The following CRYBG3 variants were observed in gnomAD, a reference collection of about 807,000 sequenced individuals.
CRYBG3 encodes very large A-kinase anchor protein.
In CRYBG3, 127 loss-of-function variants were observed where a neutral mutation model predicts 244.2. That is an observed-to-expected ratio of 0.52 (90% CI 0.45 to 0.60). The LOEUF (loss-of-function observed/expected upper bound fraction) is 0.60, where lower values mean the gene tolerates loss of function less well. Ranked by LOEUF, CRYBG3 falls within the 20% of genes least tolerant of loss-of-function variation. CRYBG3 has a pLI of 0.00. For synonymous variants in CRYBG3, 1,132 were observed against 1,195.8 expected (o/e 0.95, Z 1.10); for missense variants, 3,325 against 3,442.5 (o/e 0.97, Z 0.85).
At chr3:97,827,689 T>A (rs2038596462) in intron 1 of CRYBG3, among the ~76,000 whole-genome samples, 1 of 152,206 alleles carries the variant, frequency 6.6e-6, no homozygotes, top group Non-Finnish European at 1.5e-5. Context: ...CTTGGAACTT[T>A]AAAAATATCA....
At chr3:97,891,519 C>T (rs543798494) in intron 10 of CRYBG3, among the ~76,000 whole-genome samples, 9 of 152,126 alleles carry the variant, frequency 5.9e-5, no homozygotes, top group Middle Eastern at 6.8e-3. Context: ...TAACTATAGA[C>T]GTTATTTTTC....
intron 1 of CRYBG3, 41 bp downstream of exon 1, chr3:97,822,396 A>G (rs928837491): frequency 7.7e-6 from 11 of 1,420,770 alleles, no homozygotes; most frequent in Non-Finnish European, 9.2e-6. Context: ...CCCTGCACAT[A>G]TTCGCGGGAT....
At chr3:97,826,708 G>A (rs2038581944) in intron 1 of CRYBG3, among the ~76,000 whole-genome samples, 2 of 152,214 alleles carry the variant, frequency 1.3e-5, no homozygotes, top group South Asian at 4.1e-4. Context: ...ATAAGTTAGA[G>A]TGGCTGCTTT....
chr3:97,860,519 G>T (rs933955345), intron 2 of CRYBG3, among the ~76,000 whole-genome samples: 1 of 152,174 alleles, frequency 6.6e-6, no homozygotes, highest in East Asian at 1.9e-4. Context: ...AAGGAGGCGA[G>T]AGAGAGTGAG....
At chr3:97,860,558 G>C (rs1223537736) in intron 2 of CRYBG3, among the ~76,000 whole-genome samples, 1 of 152,138 alleles carries the variant, frequency 6.6e-6, no homozygotes, top group Non-Finnish European at 1.5e-5. Flanking sequence ...GATGAATATT[G>C]TAAGTAGAGA....
intron 11 of CRYBG3, among the ~76,000 whole-genome samples, chr3:97,893,545 G>A (rs1052342882): frequency 6.6e-6 from 1 of 152,250 alleles, no homozygotes; most frequent in Non-Finnish European, 1.5e-5. Context: ...AGTTCCTGGG[G>A]CAGAAGCCCC....
intron 2 of CRYBG3, among the ~76,000 whole-genome samples, chr3:97,860,269 G>A (rs1239092512): frequency 1.3e-5 from 2 of 152,176 alleles, no homozygotes; most frequent in Non-Finnish European, 2.9e-5. Context: ...CAAGGTGGTA[G>A]AGATACTGCA....
In CRYBG3 at chr3:97,900,445, T is replaced by C; in HGVS notation, c.7972-8T>C. 1 of 1,543,294 alleles carries C rather than the reference T, an allele frequency of 6.5e-7. No homozygotes were observed. Among genetic ancestry groups the C allele is most frequent in the East Asian group, 2.2e-5 (1 of 44,464 alleles). On this transcript the variant is annotated splice_region_variant and splice_polypyrimidine_tract_variant and intron_variant, in intron 14 of 21. Transcript: ENST00000389622. ...ACAATTTTGAAAATGTTTTAATATG[T>C]TTTTCAGGAACCACTTGGGATAAAT...
At chr3:97,860,461 A>C (rs569974871) in intron 2 of CRYBG3, among the ~76,000 whole-genome samples, 9 of 152,270 alleles carry the variant, frequency 5.9e-5, no homozygotes, top group Admixed American at 5.2e-4. Flanking sequence ...ATTTTAGATC[A>C]TGCTGAGAGA....
chr3:97,842,313 A>AG (rs1346986188), intron 1 of CRYBG3, among the ~76,000 whole-genome samples: 3 of 152,174 alleles, frequency 2.0e-5, no homozygotes, highest in Non-Finnish European at 4.4e-5. Context: ...CTGTAATCCC[A>AG]GCACTTTGAA....
In CRYBG3 at chr3:97,873,967, G is replaced by C. The variant is rs1380159411; in HGVS notation, c.2773G>C (p.Glu925Gln). Reference sequence around the variant, plus strand: ...CAAATATGAAGATAAGCCAGAACCAGAGGTAGATGCCTTAGGCTCTCCTCC... The same window carrying C: ...CAAATATGAAGATAAGCCAGAACCACAGGTAGATGCCTTAGGCTCTCCTCC... ...ASKYEDKPEP[E>Q]VDALGSPPAL... Residue 925 changes from glutamate to glutamine, a missense_variant, in exon 4 of 22, where the codon GAG becomes CAG. Glu to Gln is a conservative substitution (Grantham distance 29). Transcript: ENST00000389622. 3 of 1,534,942 alleles carry C rather than the reference G, an allele frequency of 2.0e-6. No homozygotes were observed. The East Asian group carries it at 7.3e-5, about 38-fold the overall frequency.
At chr3:97,933,036 C>T (rs2107098754) in intron 17 of CRYBG3, 1 of 415,578 alleles carries the variant, frequency 2.4e-6, no homozygotes. Flanking sequence ...TAGTAATTCC[C>T]CAGACACAAG....
At chr3:97,889,434 GATTA>G in intron 10 of CRYBG3, 44 bp downstream of exon 10, 3 of 1,459,110 alleles carry the variant, frequency 2.1e-6, no homozygotes, top group Non-Finnish European at 2.9e-6. Context: ...AGAGTCTCAG[GATTA>G]ATATTTATTC....
intron 3 of CRYBG3, among the ~76,000 whole-genome samples, chr3:97,864,989 T>C (rs894399878): frequency 4.6e-5 from 7 of 152,296 alleles, no homozygotes; most frequent in African/African-American, 1.7e-4. Flanking sequence ...TTTATATTCT[T>C]ATTCTGTCAA....
chr3:97,932,678 T>C (rs1484921775), intron 17 of CRYBG3, among the ~76,000 whole-genome samples: 1 of 152,090 alleles, frequency 6.6e-6, no homozygotes, highest in East Asian at 1.9e-4. Context: ...GATCTGTCTC[T>C]GTCCTGTCAG....
At position 97,877,485 on chromosome 3, in the gene CRYBG3, C is replaced by T. The variant is rs2039394141; in HGVS notation, c.6291C>T (p.Asp2097=). Residue 2097 remains aspartate, a synonymous_variant, in exon 4 of 22, where the codon GAC becomes GAT. Transcript: ENST00000389622. The part of the protein sequence containing the change: ...PIYEDDSSQE[D]ILSSEVSPGH... ...ATGAGGATGACAGCTCACAGGAGGA[C>T]ATTCTATCTAGTGAGGTTTCACCTG... 1.2e-6 allele frequency: 2 copies of T among 1,614,154 alleles called. No individual in the cohort carries two copies. Among genetic ancestry groups the T allele is most frequent in the Non-Finnish European group, 1.7e-6 (2 of 1,180,016 alleles).
intron 2 of CRYBG3, among the ~76,000 whole-genome samples, chr3:97,850,667 C>T (rs1441828350): frequency 6.6e-6 from 1 of 152,070 alleles, no homozygotes; most frequent in Non-Finnish European, 1.5e-5. Flanking sequence ...TCTGTGATAA[C>T]GATCTAATGT....
At chr3:97,922,632 A>G (rs2039995260) in intron 17 of CRYBG3, among the ~76,000 whole-genome samples, 1 of 152,230 alleles carries the variant, frequency 6.6e-6, no homozygotes, top group Non-Finnish European at 1.5e-5. Context: ...TCAAAACCAC[A>G]GTGAGATACC....
rs746364183 is a variant in CRYBG3 at position 97,864,442 on chromosome 3, G to C, written c.442G>C (p.Asp148His). Residue 148 changes from aspartate to histidine, a missense_variant, in exon 3 of 22, where the codon GAC becomes CAC. Asp to His is a moderately conservative substitution (Grantham distance 81). This residue lies in a region of CRYBG3 where 1,526 missense variants were observed against 1,443.2 expected (regional missense o/e 1.06). Transcript: ENST00000389622. Reference sequence around the variant, plus strand: ...AGCTAAGCAGTCTTCTTTCAAAGATGACCAGGATAAAACTGAGAAGGATTT... The same window carrying C: ...AGCTAAGCAGTCTTCTTTCAAAGATCACCAGGATAAAACTGAGAAGGATTT... ...GEAKQSSFKD[D>H]QDKTEKDLQN... The C allele has an allele frequency of 6.5e-7, 1 of 1,535,828 alleles. No individual in the cohort carries two copies. The highest frequency in any genetic ancestry group is 8.7e-7 in the Non-Finnish European group (1 of 1,146,772).
Sources: gnomAD v4.1 joint callset for allele counts (sites outside exome capture counted in the v4.1 genomes callset) on GRCh38, gnomAD v4.1.1 for gene constraint, gnomAD v4.1.1 regional missense constraint, MANE v1.5 for transcripts, NCBI Gene and HGNC (gene_info 2026-07-23, HGNC 2026-07-21) for gene names.